The following PPP3R1 variants were observed in gnomAD, a reference collection of about 807,000 sequenced individuals.
The protein encoded by PPP3R1 is calcineurin subunit B type 1.
Under a neutral mutation model 22.6 loss-of-function variants are expected in PPP3R1, and 5 were observed. That is an observed-to-expected ratio of 0.22 (90% CI 0.12 to 0.46). The LOEUF (loss-of-function observed/expected upper bound fraction) is 0.46, where lower values mean the gene tolerates loss of function less well. Ranked by LOEUF, PPP3R1 falls within the 20% of genes least tolerant of loss-of-function variation. PPP3R1 has a pLI of 0.99. For synonymous variants in PPP3R1, 56 were observed against 65.2 expected (o/e 0.86, Z 0.68); for missense variants, 61 against 203.2 (o/e 0.30, Z 4.25).
At chr2:68,246,246 T>C (rs553579125) in intron 1 of PPP3R1, among the ~76,000 whole-genome samples, 7 of 151,836 alleles carry the variant, frequency 4.6e-5, no homozygotes, top group Non-Finnish European at 8.8e-5. Flanking sequence ...GGCTAATTTT[T>C]GTATTTTTAG....
At chr2:68,223,226 T>C (rs1349652904) in intron 1 of PPP3R1, among the ~76,000 whole-genome samples, 1 of 152,102 alleles carries the variant, frequency 6.6e-6, no homozygotes, top group Non-Finnish European at 1.5e-5. Flanking sequence ...GAAACCCATC[T>C]CTACTAAGAA....
chr2:68,228,605 T>C (rs992626469), intron 1 of PPP3R1, among the ~76,000 whole-genome samples: 3 of 152,144 alleles, frequency 2.0e-5, no homozygotes, highest in African/African-American at 7.2e-5. Context: ...GAATGAGCTT[T>C]TTGTTTCAAA....
At chr2:68,202,963 C>T (rs1008278652) in intron 2 of PPP3R1, among the ~76,000 whole-genome samples, 22 of 152,102 alleles carry the variant, frequency 1.4e-4, no homozygotes, top group African/African-American at 3.6e-4. Flanking sequence ...CCACCATACC[C>T]GGCTAATTTG....
chr2:68,247,526 T>C (rs368979277), intron 1 of PPP3R1, among the ~76,000 whole-genome samples: 1 of 152,186 alleles, frequency 6.6e-6, no homozygotes, highest in South Asian at 2.1e-4. Flanking sequence ...CTCTATCCTA[T>C]TGAAATTGGA....
chr2:68,237,734 T>A (rs947011312), intron 1 of PPP3R1, among the ~76,000 whole-genome samples: 10 of 152,114 alleles, frequency 6.6e-5, no homozygotes, highest in African/African-American at 1.7e-4. Flanking sequence ...TCATTCATCT[T>A]TATACCTGAA....
intron 1 of PPP3R1, among the ~76,000 whole-genome samples, chr2:68,236,614 G>A (rs970158445): frequency 2.6e-5 from 4 of 152,138 alleles, no homozygotes; most frequent in Admixed American, 1.3e-4. Flanking sequence ...GAAGAGGTCA[G>A]TATAACATCA....
intron 1 of PPP3R1, among the ~76,000 whole-genome samples, chr2:68,236,381 AT>A (rs1397333135): frequency 6.6e-6 from 1 of 152,192 alleles, no homozygotes; most frequent in East Asian, 1.9e-4. Flanking sequence ...TCAAATATTT[AT>A]TATCTGGTCC....
At chr2:68,242,563 TGAGA>T (rs1229205040) in intron 1 of PPP3R1, among the ~76,000 whole-genome samples, 1 of 152,202 alleles carries the variant, frequency 6.6e-6, no homozygotes. Context: ...ACTCTTTACT[TGAGA>T]AAGAGTATAA....
intron 1 of PPP3R1, among the ~76,000 whole-genome samples, chr2:68,222,188 G>GA (rs1669697920): frequency 6.6e-6 from 1 of 152,294 alleles, no homozygotes; most frequent in African/African-American, 2.4e-5. Context: ...AAAGGGTAGA[G>GA]AAAAAATGGA....
intron 1 of PPP3R1, among the ~76,000 whole-genome samples, chr2:68,233,233 T>TCCATGACAGCA (rs1388130366): frequency 6.6e-6 from 1 of 152,218 alleles, no homozygotes; most frequent in Non-Finnish European, 1.5e-5. Flanking sequence ...TACTTTAAGC[T>TCCATGACAGCA]CCATGACAGC....
chr2:68,243,933 C>T (rs972042494), intron 1 of PPP3R1, among the ~76,000 whole-genome samples: 15 of 152,044 alleles, frequency 9.9e-5, no homozygotes, highest in Non-Finnish European at 1.9e-4. Flanking sequence ...AAACCCCACA[C>T]AAAAAACTCT....
At position 68,188,798 on chromosome 2, in the gene PPP3R1, A is replaced by G. The variant is rs574438786; in HGVS notation, c.44-108T>C. The G allele has an allele frequency of 2.1e-3, 1,740 of 841,362 alleles. 7 individuals carry two copies. Among genetic ancestry groups the G allele is most frequent in the Non-Finnish European group, 2.6e-3 (1,520 of 577,544 alleles). The allele number at this position is 841,362 out of a possible 1,614,324, so 52.1% of individuals were successfully genotyped here. ...AAAAATTTTAATAGTTATAGGGGGG[A>G]AAAAAAATCTAACAGTTATCCAATA... On this transcript the variant is annotated intron_variant, in intron 2 of 5. Coordinates refer to ENST00000234310, the MANE Select transcript of PPP3R1 (RefSeq NM_000945.4).
intron 1 of PPP3R1, among the ~76,000 whole-genome samples, chr2:68,221,261 T>C (rs1669684083): frequency 6.6e-6 from 1 of 151,900 alleles, no homozygotes; most frequent in Admixed American, 6.6e-5. Flanking sequence ...AACCTGAAGG[T>C]GGAGGCTGCA....
intron 1 of PPP3R1, among the ~76,000 whole-genome samples, chr2:68,243,689 A>G (rs1670175380): frequency 6.6e-6 from 1 of 152,158 alleles, no homozygotes; most frequent in African/African-American, 2.4e-5. Flanking sequence ...AACCTCTATC[A>G]CTATAAAATT....
intron 5 of PPP3R1, 143 bp from the exon 6 acceptor site, chr2:68,181,153 GC>G (rs1406466192): frequency 1.4e-6 from 1 of 726,616 alleles, no homozygotes; most frequent in Non-Finnish European, 2.4e-6. Context: ...ACTTTGGAAG[GC>G]CAAGGCAGGT....
intron 2 of PPP3R1, among the ~76,000 whole-genome samples, chr2:68,197,817 A>T (rs1674821069): frequency 6.6e-6 from 1 of 151,910 alleles, no homozygotes; most frequent in African/African-American, 2.4e-5. Flanking sequence ...TTTCAATATT[A>T]ATGAAATAGA....
rs1282327275 is a variant in PPP3R1 at position 68,194,237 on chromosome 2, A to T, written c.44-5547T>A. On this transcript the variant is annotated intron_variant, in intron 2 of 5. Transcript: ENST00000234310. ...TATAAAACATAAAAAGTTACTAATAAGGAATTGGTAGATTGTTTATACAGA... is the reference window on the plus strand; with the variant it reads ...TATAAAACATAAAAAGTTACTAATATGGAATTGGTAGATTGTTTATACAGA... Among the ~76,000 whole-genome samples, 5 of 152,260 alleles carry T rather than the reference A, an allele frequency of 3.3e-5. No individual in the cohort carries two copies. The East Asian group carries it at 9.6e-4, about 29-fold the overall frequency.
chr2:68,223,326 GTGGAAGT>G (rs569384211), intron 1 of PPP3R1, among the ~76,000 whole-genome samples: 5 of 152,312 alleles, frequency 3.3e-5, no homozygotes, highest in Non-Finnish European at 7.4e-5. Context: ...AACCTGGGAG[GTGGAAGT>G]TGCAGTGAGC....
intron 2 of PPP3R1, among the ~76,000 whole-genome samples, chr2:68,189,484 T>C (rs1674616757): frequency 6.6e-6 from 1 of 152,248 alleles, no homozygotes; most frequent in Non-Finnish European, 1.5e-5. Flanking sequence ...CTAAATTACA[T>C]CATTTTCATT....
Sources: allele counts gnomAD v4.1 joint callset (sites outside exome capture counted in the v4.1 genomes callset), GRCh38; gene constraint gnomAD v4.1.1; transcripts MANE v1.5; gene names NCBI Gene and HGNC (gene_info 2026-07-23, HGNC 2026-07-21).